The following ARHGEF28 variants were observed in gnomAD, a reference collection of about 807,000 sequenced individuals.
ARHGEF28 encodes Rho guanine nucleotide exchange factor 28, also known as 190 kDa guanine nucleotide exchange factor.
In ARHGEF28, 152 loss-of-function variants were observed where a neutral mutation model predicts 206.6. The ratio of observed to expected loss-of-function variants is 0.74; its 90% CI spans 0.64 to 0.84. The LOEUF is 0.84. ARHGEF28 is among the 40% of genes least tolerant of loss of function. The probability of loss-of-function intolerance (pLI) is 0.00; values close to 1 mark genes in which losing one functional copy is unlikely to be tolerated. For synonymous variants in ARHGEF28, 763 were observed against 776.4 expected (o/e 0.98, Z 0.29); for missense variants, 2,028 against 2,073.2 (o/e 0.98, Z 0.42).
chr5:73,811,857 C>G (rs1319763208), intron 9 of ARHGEF28, among the ~76,000 whole-genome samples: 5 of 151,842 alleles, frequency 3.3e-5, no homozygotes, highest in Non-Finnish European at 7.4e-5. Context: ...GTGGTGCATG[C>G]CTGTAGACGC....
chr5:73,710,261 G>A (rs1749162086), intron 2 of ARHGEF28, among the ~76,000 whole-genome samples: 1 of 152,164 alleles, frequency 6.6e-6, no homozygotes, highest in Non-Finnish European at 1.5e-5. Flanking sequence ...AAGGTATGTA[G>A]TAGTATCTTA....
At chr5:73,747,113 T>C (rs2112389988) in intron 2 of ARHGEF28, among the ~76,000 whole-genome samples, 1 of 152,292 alleles carries the variant, frequency 6.6e-6, no homozygotes, top group South Asian at 2.1e-4. Flanking sequence ...ATATAGTGAG[T>C]TTATAGAAAG....
chr5:73,936,570 A>G (rs917209000), intron 35 of ARHGEF28, among the ~76,000 whole-genome samples: 2 of 152,212 alleles, frequency 1.3e-5, no homozygotes, highest in African/African-American at 4.8e-5. Flanking sequence ...ACATAACATG[A>G]GAAGTGTAAG....
intron 35 of ARHGEF28, among the ~76,000 whole-genome samples, chr5:73,926,442 A>C (rs568906984): frequency 6.6e-6 from 1 of 152,150 alleles, no homozygotes; most frequent in South Asian, 2.1e-4. Flanking sequence ...CCTGCAGTTA[A>C]ATCTCCCAAC....
intron 33 of ARHGEF28, among the ~76,000 whole-genome samples, chr5:73,905,508 A>G (rs1344440330): frequency 6.6e-6 from 1 of 152,220 alleles, no homozygotes; most frequent in African/African-American, 2.4e-5. Flanking sequence ...ATACAAGTAA[A>G]TGAAAGAAAA....
At position 73,776,623 on chromosome 5, in the gene ARHGEF28, C is replaced by T. The variant is rs771722498; in HGVS notation, c.767C>T (p.Thr256Ile). The change falls in exon 6 of 36, where the codon ACA (threonine) becomes ATA (isoleucine). Residue 256 changes from threonine to isoleucine, a missense_variant. Thr to Ile is a moderately conservative substitution (Grantham distance 89, BLOSUM62 -1). Transcript: ENST00000513042. ...ACGCTGACCCTGACCCTGAACCACA[C>T]AGCCGAGCATTTGTTGGAGGCAGAT... is the stretch of plus-strand genomic sequence containing the variant. ...SETLTLTLNH[T>I]AEHLLEADIK... 3.7e-6 allele frequency: 6 copies of T among 1,613,778 alleles called. No homozygotes were observed. In the South Asian group the frequency reaches 4.4e-5, roughly 12 times the overall value.
chr5:73,832,372 G>T lies in ARHGEF28; in HGVS notation c.1059G>T (p.Pro353=), dbSNP rs745869276. The change falls in exon 10 of 36, where the codon CCG becomes CCT. Residue 353 remains proline, a synonymous_variant. Transcript: ENST00000513042. ...RSFDILKKSK[P]PSTLLAAGRL... is the part of the protein sequence containing the mutation. ...TCGATATCCTAAAAAAATCCAAGCC[G>T]CCCTCGACATTGCTTGCTGCAGGCC... The T allele has an allele frequency of 1.7e-5, 27 of 1,612,338 alleles. No individual in the cohort carries two copies. In the Admixed American group the frequency reaches 4.0e-4, roughly 24 times the overall value.
intron 10 of ARHGEF28, among the ~76,000 whole-genome samples, chr5:73,836,144 G>C (rs1380996645): frequency 6.6e-6 from 1 of 152,054 alleles, no homozygotes; most frequent in Non-Finnish European, 1.5e-5. Context: ...TAGTGATTCT[G>C]TTTCCTTTGG....
intron 21 of ARHGEF28, among the ~76,000 whole-genome samples, chr5:73,872,075 C>T (rs1254276790): frequency 2.0e-5 from 3 of 152,144 alleles, no homozygotes; most frequent in Non-Finnish European, 2.9e-5. Flanking sequence ...GACTGTTTTC[C>T]AAAGCAGCTA....
At chr5:73,936,893 A>G (rs1190239143) in intron 35 of ARHGEF28, among the ~76,000 whole-genome samples, 3 of 152,180 alleles carry the variant, frequency 2.0e-5, no homozygotes, top group Non-Finnish European at 2.9e-5. Context: ...AATATGACAC[A>G]TAGTTGCATT....
intron 2 of ARHGEF28, among the ~76,000 whole-genome samples, chr5:73,730,979 C>A (rs1458715054): frequency 6.9e-6 from 1 of 144,550 alleles, no homozygotes; most frequent in Non-Finnish European, 1.5e-5. Context: ...AGATGAAATT[C>A]TTTAATTTTT....
chr5:73,850,697 AG>A (rs1339857255), intron 13 of ARHGEF28, among the ~76,000 whole-genome samples: 1 of 152,192 alleles, frequency 6.6e-6, no homozygotes, highest in Non-Finnish European at 1.5e-5. Context: ...ATTGTTCACA[AG>A]GGAAAATAGC....
intron 34 of ARHGEF28, among the ~76,000 whole-genome samples, chr5:73,910,304 C>T (rs555697510): frequency 7.1e-6 from 1 of 141,186 alleles, no homozygotes; most frequent in East Asian, 2.2e-4. Context: ...TCACTTGAAC[C>T]CATGAGGCGG....
At chr5:73,802,878 G>C (rs1288270744) in intron 9 of ARHGEF28, among the ~76,000 whole-genome samples, 2,851 of 144,790 alleles carry the variant, frequency 0.02, 114 homozygotes, top group African/African-American at 0.062. Flanking sequence ...TGCTGTGTGT[G>C]TGTGTGTGTG....
chr5:73,743,632 AAGTC>A (rs1248563250), intron 2 of ARHGEF28, among the ~76,000 whole-genome samples: 1 of 151,908 alleles, frequency 6.6e-6, no homozygotes, highest in Non-Finnish European at 1.5e-5. Context: ...AATTATATAA[AAGTC>A]AGACGCTTTT....
At chr5:73,630,550 A>T (rs1743303719) in intron 1 of ARHGEF28, among the ~76,000 whole-genome samples, 1 of 152,216 alleles carries the variant, frequency 6.6e-6, no homozygotes, top group African/African-American at 2.4e-5. Context: ...ACCATTTAAA[A>T]AGGATAAAAG....
At position 73,840,735 on chromosome 5, in the gene ARHGEF28, G is replaced by A. The variant is rs1176808375; in HGVS notation, c.1402G>A (p.Glu468Lys). 3 of 1,610,280 alleles carry A rather than the reference G, an allele frequency of 1.9e-6. No individual in the cohort carries two copies. Among genetic ancestry groups the A allele is most frequent in the South Asian group, 1.1e-5 (1 of 90,278 alleles). The change falls in exon 11 of 36, where the codon GAA becomes AAA. Residue 468 changes from glutamate to lysine, a missense_variant. Around this residue, in one of 3 missense-constraint regions of ARHGEF28, gnomAD observed 1,002 missense variants for 1,015.3 expected, o/e 0.99. Coordinates refer to ENST00000513042, the MANE Select transcript of ARHGEF28 (RefSeq NM_001177693.2). ...LSFGWHGFEK[E>K]QSHLKKRSSS... ...TTTTGGTTGGCATGGATTTGAAAAG[G>A]AACAAAGTCATCTAAAGAAAAGAAG...
At chr5:73,785,448 C>T (rs1754104165) in intron 7 of ARHGEF28, among the ~76,000 whole-genome samples, 1 of 152,164 alleles carries the variant, frequency 6.6e-6, no homozygotes, top group South Asian at 2.1e-4. Flanking sequence ...GGGTTCCCGC[C>T]ATCTGTTAGT....
intron 9 of ARHGEF28, among the ~76,000 whole-genome samples, chr5:73,812,796 G>A (rs1263837429): frequency 6.6e-6 from 1 of 152,156 alleles, no homozygotes; most frequent in African/African-American, 2.4e-5. Context: ...CAGACTTGGT[G>A]ACAGTACCAA....
Sources: gnomAD v4.1 joint callset for allele counts (sites outside exome capture counted in the v4.1 genomes callset) on GRCh38, gnomAD v4.1.1 for gene constraint, gnomAD v4.1.1 regional missense constraint, MANE v1.5 for transcripts, NCBI Gene and HGNC (gene_info 2026-07-23, HGNC 2026-07-21) for gene names.